WIPI1: variants seen among roughly 807,000 people sequenced by gnomAD.
The protein encoded by WIPI1 is WD repeat domain phosphoinositide-interacting protein 1.
In WIPI1, 45 loss-of-function variants were observed where a neutral mutation model predicts 55.3. The observed-to-expected ratio is 0.81, with a 90% confidence interval of 0.64 to 1.04. The LOEUF (loss-of-function observed/expected upper bound fraction) is 1.04. Among genes scored for constraint, WIPI1 ranks in the 50% least tolerant of loss-of-function variants. WIPI1 has a pLI of 0.00. For synonymous variants in WIPI1, 195 were observed against 217.6 expected (o/e 0.90, Z 0.92); for missense variants, 445 against 559.0 (o/e 0.80, Z 2.06).
chr17:68,432,347 A>G (rs1454886554), intron 8 of WIPI1, among the ~76,000 whole-genome samples: 1 of 152,204 alleles, frequency 6.6e-6, no homozygotes, highest in Non-Finnish European at 1.5e-5. Flanking sequence ...GCTTTCTCCA[A>G]CTGGTGGCAG....
chr17:68,452,782 T>C (rs2084544208), intron 2 of WIPI1, 128 bp downstream of exon 2: 1 of 706,882 alleles, frequency 1.4e-6, no homozygotes, highest in African/African-American at 1.8e-5. Flanking sequence ...AATCTAAAAA[T>C]CTTGACTCCC....
At chr17:68,428,785 G>A (rs758958534) in intron 10 of WIPI1, 44 bp downstream of exon 10, 13 of 1,480,374 alleles carry the variant, frequency 8.8e-6, no homozygotes, top group Admixed American at 3.4e-5. Context: ...AACTCTACAC[G>A]ACCAGCTCTC....
intron 11 of WIPI1, 75 bp from the exon 12 acceptor site, chr17:68,426,250 G>GGGGGGGGGGAA: frequency 1.2e-6 from 1 of 828,060 alleles, no homozygotes. Context: ...GGTGGGGAGC[G>GGGGGGGGGGAA]GGGGCTCAAA....
At chr17:68,457,187 C>G (rs1283685975) in intron 1 of WIPI1, among the ~76,000 whole-genome samples, 155 bp downstream of exon 1, 1 of 152,120 alleles carries the variant, frequency 6.6e-6, no homozygotes, top group Non-Finnish European at 1.5e-5. Flanking sequence ...TGAAGGGGTA[C>G]GGGGATAACA....
chr17:68,439,426 G>C (rs1166393511), intron 4 of WIPI1, among the ~76,000 whole-genome samples: 1 of 152,074 alleles, frequency 6.6e-6, no homozygotes, highest in African/African-American at 2.4e-5. Flanking sequence ...CCAGAATAGA[G>C]AAATCCATAA....
intron 7 of WIPI1, among the ~76,000 whole-genome samples, 185 bp from the exon 8 acceptor site, chr17:68,433,760 G>GT (rs556777098): frequency 0.01 from 758 of 72,806 alleles, 105 homozygotes; most frequent in Middle Eastern, 0.019. Flanking sequence ...AAGGGTCATA[G>GT]TTTTTTTTTT....
Position 68,436,435 on chromosome 17 carries a change from A to G in WIPI1, c.475T>C (p.Tyr159His). The change falls in exon 5 of 13, where the codon TAT (tyrosine) becomes CAT (histidine). Residue 159 changes from tyrosine to histidine, a missense_variant. Coordinates refer to ENST00000262139, the MANE Select transcript of WIPI1 (RefSeq NM_017983.7). ...TCCCCTGAAGTCAGGCTTCCAGGATAGGCCAGGTAAGAATTGGAATGGTTG... is the reference window on the plus strand; with the variant it reads ...TCCCCTGAAGTCAGGCTTCCAGGATGGGCCAGGTAAGAATTGGAATGGTTG... ...SINHSNSYLA[Y>H]PGSLTSGEIV... 1 of 1,614,078 alleles carries G rather than the reference A, an allele frequency of 6.2e-7. No individual in the cohort carries two copies. Among genetic ancestry groups the G allele is most frequent in the South Asian group, 1.1e-5 (1 of 91,080 alleles).
At chr17:68,425,362 C>T (rs974999070) in intron 12 of WIPI1, among the ~76,000 whole-genome samples, 2 of 149,890 alleles carry the variant, frequency 1.3e-5, no homozygotes, top group Non-Finnish European at 3.0e-5. Context: ...TGACACCACA[C>T]CCGGCTAATT....
intron 4 of WIPI1, among the ~76,000 whole-genome samples, chr17:68,443,136 A>G (rs1245881679): frequency 6.6e-6 from 1 of 152,070 alleles, no homozygotes; most frequent in Non-Finnish European, 1.5e-5. Context: ...TTTGAGACAG[A>G]GTCTCGATCT....
At position 68,426,242 on chromosome 17, in the gene WIPI1, T is replaced by TGGC. The variant is rs1555798451; in HGVS notation, c.1193-68_1193-67insGCC. ...TGCTTTTATGCCATGACCTGGCGGG[T>TGGC]GGGGAGCGGGGGCTCAAATAAAGGG... On this transcript the variant is annotated intron_variant, in intron 11 of 12. Transcript: ENST00000262139. 3.0e-3 allele frequency: 2,059 copies of TGGC among 681,892 alleles called. 51 individuals carry two copies. The highest frequency in any genetic ancestry group is 6.8e-3 in the Admixed American group (170 of 25,178). The allele number at this position is 681,892 out of a possible 1,614,324, so 42.2% of individuals were successfully genotyped here.
intron 9 of WIPI1, among the ~76,000 whole-genome samples, chr17:68,429,704 C>A (rs751970448): frequency 1.3e-5 from 2 of 151,978 alleles, no homozygotes; most frequent in African/African-American, 2.4e-5. Flanking sequence ...TTCTCCTGCC[C>A]CAACCTCCCA....
chr17:68,437,840 A>G (rs2083882769), intron 4 of WIPI1, among the ~76,000 whole-genome samples: 1 of 151,138 alleles, frequency 6.6e-6, no homozygotes, highest in Non-Finnish European at 1.5e-5. Flanking sequence ...TTTCAAAACA[A>G]TGGTTTAGAT....
intron 2 of WIPI1, 33 bp from the exon 3 acceptor site, chr17:68,450,930 A>G: frequency 6.3e-7 from 1 of 1,597,650 alleles, no homozygotes; most frequent in East Asian, 2.2e-5. Context: ...GGTTACATGG[A>G]TTGATCACTT....
At chr17:68,441,092 C>T (rs2084055763) in intron 4 of WIPI1, 1 of 152,220 alleles carries the variant, frequency 6.6e-6, no homozygotes, top group African/African-American at 2.4e-5. Flanking sequence ...AGGTGGTCAG[C>T]TCTGTGACCA....
chr17:68,431,782 G>GGCCC (rs1163151473), intron 8 of WIPI1, among the ~76,000 whole-genome samples: 80 of 152,212 alleles, frequency 5.3e-4, no homozygotes, highest in Non-Finnish European at 6.3e-4. Context: ...GTTGAGCGGA[G>GGCCC]AACCCAGAAC....
intron 10 of WIPI1, among the ~76,000 whole-genome samples, chr17:68,427,996 T>TC: frequency 6.6e-6 from 1 of 152,184 alleles, no homozygotes; most frequent in South Asian, 2.1e-4. Flanking sequence ...GCTCAGGTGA[T>TC]CCCCCCACCT....
intron 12 of WIPI1, 103 bp downstream of exon 12, chr17:68,425,972 T>C (rs1185760760): frequency 1.0e-5 from 9 of 859,340 alleles, no homozygotes; most frequent in Admixed American, 6.7e-5. Context: ...TTAGTTGTTA[T>C]AGATTAGAAA....
intron 2 of WIPI1, among the ~76,000 whole-genome samples, chr17:68,452,232 T>C (rs189596083): frequency 3.3e-4 from 50 of 152,294 alleles, no homozygotes; most frequent in African/African-American, 1.1e-3. Flanking sequence ...ACTGAATCAA[T>C]GTTATCAGTA....
At chr17:68,449,111 G>A (rs141302512) in intron 3 of WIPI1, among the ~76,000 whole-genome samples, 3 of 152,310 alleles carry the variant, frequency 2.0e-5, no homozygotes, top group Admixed American at 6.5e-5. Flanking sequence ...GTACTTAAGA[G>A]TTTAGACAAA....
Sources: gnomAD v4.1 joint callset for allele counts (sites outside exome capture counted in the v4.1 genomes callset) on GRCh38, gnomAD v4.1.1 for gene constraint, MANE v1.5 for transcripts, NCBI Gene and HGNC (gene_info 2026-07-23, HGNC 2026-07-21) for gene names.